Variants in PCP4 observed in about 807,000 individuals in gnomAD.
The protein encoded by PCP4 is calmodulin regulator protein PCP4.
PCP4 carries 8 observed loss-of-function variants against 10.0 expected under a neutral mutation model. The observed-to-expected ratio is 0.80, with a 90% CI of 0.47 to 1.45. PCP4 has a LOEUF of 1.45. Ranked by LOEUF, PCP4 falls within the 40% of genes most tolerant of loss-of-function variation. The pLI, the probability that PCP4 is intolerant of heterozygous loss-of-function variation, is 0.00. For missense variants in PCP4, 54 were observed against 74.4 expected, an observed-to-expected ratio of 0.73 and a Z score of 1.01; for synonymous variants, 21 against 23.0, an observed-to-expected ratio of 0.91 and a Z score of 0.24.
At chr21:39,925,737 T>C (rs2251910) in intron 2 of PCP4, among the ~76,000 whole-genome samples, 140,285 of 152,116 alleles carry the variant, frequency 0.92, 64,927 homozygotes, top group African/African-American at 0.98. Flanking sequence ...CCTGTACTGC[T>C]CGTGGGTCCC....
At position 39,926,964 on chromosome 21, in the gene PCP4, C is replaced by T. The variant is rs77287896; in HGVS notation, c.62-2020C>T. Among the ~76,000 whole-genome samples the T allele has an allele frequency of 4.1e-3, 618 of 152,308 alleles. 5 individuals carry two copies. Among genetic ancestry groups the T allele is most frequent in the Non-Finnish European group, 7.0e-3 (477 of 68,032 alleles). ...CCCCTGCCTCTGAAATATTCCTGAA[C>T]ATTGGTGCACTCAACATCTCTGCTT... On this transcript the variant is annotated intron_variant, in intron 2 of 2. Coordinates refer to ENST00000328619, the MANE Select transcript of PCP4 (RefSeq NM_006198.3).
intron 2 of PCP4, among the ~76,000 whole-genome samples, chr21:39,910,300 C>G (rs2087533405): frequency 1.3e-5 from 2 of 152,122 alleles, no homozygotes; most frequent in African/African-American, 4.8e-5. Flanking sequence ...TGTAGGAGGG[C>G]AGACCTCGCT....
At position 39,880,182 on chromosome 21, in the gene PCP4, CTATATCTATCTA is replaced by C. The variant is rs1352935506; in HGVS notation, c.9+12676_9+12687del. ...TCTATATCTATATCTATATCTATATCTATATCTATCTATATCTATTCCCTGTCCAAGTGGAAG... is the reference window on the plus strand; with the variant it reads ...TCTATATCTATATCTATATCTATATCTATCTATTCCCTGTCCAAGTGGAAG... On this transcript the variant is annotated intron_variant, in intron 1 of 2. Coordinates refer to ENST00000328619, the MANE Select transcript of PCP4 (RefSeq NM_006198.3). Among the ~76,000 whole-genome samples the C allele has an allele frequency of 3.5e-3, 516 of 145,358 alleles. 5 individuals are homozygous for C. The highest frequency in any genetic ancestry group is 0.013 in the African/African-American group (497 of 36,902).
At chr21:39,877,443 T>G (rs1216182892) in intron 1 of PCP4, among the ~76,000 whole-genome samples, 3 of 151,850 alleles carry the variant, frequency 2.0e-5, no homozygotes, top group African/African-American at 7.3e-5. Flanking sequence ...TCCCAGCACT[T>G]TGGGAGACCC....
At chr21:39,916,858 A>G (rs1018816046) in intron 2 of PCP4, among the ~76,000 whole-genome samples, 3 of 152,218 alleles carry the variant, frequency 2.0e-5, no homozygotes, top group Non-Finnish European at 4.4e-5. Flanking sequence ...AGAAAATGAA[A>G]CACCACATGT....
At chr21:39,914,141 A>G (rs924711228) in intron 2 of PCP4, among the ~76,000 whole-genome samples, 1 of 6,370 alleles carries the variant, frequency 1.6e-4, no homozygotes, top group African/African-American at 1.8e-3. Context: ...TCTGATGTAC[A>G]TGTGATGATT....
chr21:39,913,159 G>T (rs1316421678), intron 2 of PCP4, among the ~76,000 whole-genome samples: 1 of 151,984 alleles, frequency 6.6e-6, no homozygotes, highest in Non-Finnish European at 1.5e-5. Flanking sequence ...AGTAGAAAAA[G>T]GTACAGAGCT....
At position 39,867,452 on chromosome 21, in the gene PCP4, A is replaced by C; in HGVS notation, c.-50A>C. 1.9e-6 allele frequency: 3 copies of C among 1,611,504 alleles called. No homozygotes were observed. The highest frequency in any genetic ancestry group is 2.5e-6 in the Non-Finnish European group (3 of 1,177,582). On this transcript the variant is annotated 5_prime_UTR_variant, in exon 1 of 3. Transcript: ENST00000328619. The stretch of plus-strand genomic sequence containing the variant: ...ACCGGTGGAGCAGCGACCCCTGAGC[A>C]GTGTTCTCTGTGCTGAGCGGCGGGA...
intron 2 of PCP4, among the ~76,000 whole-genome samples, chr21:39,919,498 G>A (rs2299790): frequency 0.14 from 20,702 of 152,148 alleles, 1,457 homozygotes; most frequent in South Asian, 0.23. Flanking sequence ...ACTCCTACTC[G>A]GGACTATTAT....
At chr21:39,880,879 G>C (rs1404421488) in intron 1 of PCP4, among the ~76,000 whole-genome samples, 4 of 152,128 alleles carry the variant, frequency 2.6e-5, no homozygotes, top group African/African-American at 9.7e-5. Context: ...ATTGGAATTG[G>C]GTTTGTTTTC....
Sources: gnomAD v4.1 joint callset for allele counts (sites outside exome capture counted in the v4.1 genomes callset) on GRCh38, gnomAD v4.1.1 for gene constraint, MANE v1.5 for transcripts, NCBI Gene and HGNC (gene_info 2026-07-23, HGNC 2026-07-21) for gene names.